BCL9: variants seen among roughly 807,000 people sequenced by gnomAD.
BCL9 encodes the protein B-cell CLL/lymphoma 9 protein.
BCL9 carries 25 observed loss-of-function variants against 88.5 expected under a neutral mutation model. The observed-to-expected ratio is 0.28, with a 90% CI of 0.21 to 0.39. BCL9 has a LOEUF of 0.39. Among genes scored for constraint, BCL9 ranks in the 10% least tolerant of loss-of-function variants. The pLI, the probability that BCL9 is intolerant of heterozygous loss-of-function variation, is 1.00. For missense variants in BCL9, 1,817 were observed against 1,877.8 expected (o/e 0.97, Z 0.60); for synonymous variants, 711 against 673.3 (o/e 1.06, Z -0.87).
At chr1:147,566,433 A>C (rs1205366021) in intron 1 of BCL9, among the ~76,000 whole-genome samples, 2 of 152,154 alleles carry the variant, frequency 1.3e-5, no homozygotes, top group African/African-American at 4.8e-5. Flanking sequence ...ACTTAGATGC[A>C]GGGCCTTGGA....
rs782383812 is a variant in BCL9 at position 147,619,388 on chromosome 1, C to G, written c.1233C>G (p.Ala411=). 5.0e-6 allele frequency: 8 copies of G among 1,614,058 alleles called. No homozygotes were observed. Among genetic ancestry groups the G allele is most frequent in the Non-Finnish European group, 6.8e-6 (8 of 1,180,014 alleles). Reference sequence around the variant, plus strand: ...AAGGGCCAATACAGGCCATGATGGCCCAATCCCAAAGCCTAGGTAAGGGAC... The same window carrying G: ...AAGGGCCAATACAGGCCATGATGGCGCAATCCCAAAGCCTAGGTAAGGGAC... ...KPEGPIQAMM[A]QSQSLGKGPG... is the part of the protein sequence containing the mutation. Residue 411 remains alanine (A), a synonymous_variant, in exon 8 of 10, where the codon GCC becomes GCG. Transcript: ENST00000234739. The surrounding 1 kb of genome is among the most constrained non-coding windows in gnomAD (Gnocchi z 4.1).
chr1:147,576,404 C>T (rs1468222404), intron 1 of BCL9, among the ~76,000 whole-genome samples: 5 of 152,116 alleles, frequency 3.3e-5, no homozygotes, highest in East Asian at 3.9e-4. Flanking sequence ...GGTAAAACAC[C>T]GGAGTGCACA....
chr1:147,600,305 C>G (rs1657314433), intron 1 of BCL9: 1 of 152,948 alleles, frequency 6.5e-6, no homozygotes, highest in Admixed American at 6.6e-5. Context: ...CTGCTCCGCA[C>G]CTCCTCTCCC....
At chr1:147,610,983 C>G (rs1253167309) in intron 3 of BCL9, among the ~76,000 whole-genome samples, 2 of 152,154 alleles carry the variant, frequency 1.3e-5, no homozygotes, top group Admixed American at 6.5e-5. Context: ...ATAGAAAGAT[C>G]ATGGAAATCA....
chr1:147,550,605 A>G (rs1553194715), intron 1 of BCL9, among the ~76,000 whole-genome samples: 1 of 152,224 alleles, frequency 6.6e-6, no homozygotes, highest in Non-Finnish European at 1.5e-5. Flanking sequence ...TTTAAAAAGC[A>G]AGCATACTAC....
intron 1 of BCL9, among the ~76,000 whole-genome samples, chr1:147,573,648 A>C (rs1252685858): frequency 6.6e-6 from 1 of 152,100 alleles, no homozygotes; most frequent in Admixed American, 6.5e-5. Flanking sequence ...TAAATTATTT[A>C]TTTATTTAGG....
rs1205726725 is a variant in BCL9 at position 147,621,839 on chromosome 1, C to T, written c.2903-432C>T. ...TGGTTGTGGAAATTAATCAAGAATG[C>T]GTGTAGGGTGATGTCGTTAGTACCT... is the stretch of plus-strand genomic sequence containing the variant. On this transcript the variant is annotated intron_variant, in intron 8 of 9. Coordinates refer to ENST00000234739, the MANE Select transcript of BCL9 (RefSeq NM_004326.4). 5.3e-5 allele frequency among the ~76,000 whole-genome samples: 8 copies of T among 152,118 alleles called. No individual in the cohort carries two copies. In the East Asian group the frequency reaches 7.7e-4, roughly 15 times the overall value.
At chr1:147,574,028 A>T (rs1033051609) in intron 1 of BCL9, among the ~76,000 whole-genome samples, 2 of 152,142 alleles carry the variant, frequency 1.3e-5, no homozygotes, top group Non-Finnish European at 2.9e-5. Flanking sequence ...ATCCTGCATT[A>T]TATATATGTT....
intron 1 of BCL9, among the ~76,000 whole-genome samples, chr1:147,553,662 G>T (rs1224895065): frequency 6.6e-6 from 1 of 152,146 alleles, no homozygotes; most frequent in Non-Finnish European, 1.5e-5. Context: ...TGATGTCTGT[G>T]CCCTAGTTCC....
chr1:147,561,498 C>A (rs1655372767), intron 1 of BCL9, among the ~76,000 whole-genome samples: 1 of 152,194 alleles, frequency 6.6e-6, no homozygotes, highest in Non-Finnish European at 1.5e-5. Context: ...CTCATTCCCT[C>A]TTATGATTAT....
intron 1 of BCL9, among the ~76,000 whole-genome samples, chr1:147,589,762 T>C (rs1656770366): frequency 1.3e-5 from 2 of 152,228 alleles, no homozygotes; most frequent in Non-Finnish European, 2.9e-5. Context: ...TTGATTCCAC[T>C]TTTTGGCTAT....
rs1553204587 is a variant in BCL9, at chr1:147,619,459, A to C, written c.1304A>C (p.His435Pro). 6.2e-7 allele frequency: 1 copy of C among 1,614,164 alleles called. No homozygotes were observed. The highest frequency in any genetic ancestry group is 1.3e-5 in the African/African-American group (1 of 75,048). The change falls in exon 8 of 10, where the codon CAT becomes CCT. Residue 435 changes from histidine to proline, a missense_variant. His to Pro is a moderately conservative substitution (Grantham distance 77, BLOSUM62 -2). Coordinates refer to ENST00000234739, the MANE Select transcript of BCL9 (RefSeq NM_004326.4). This position sits in a 1 kb window ranked among gnomAD's most constrained non-coding sequence, Gnocchi z 4.1. ...DVGAPFGPQG[H>P]RDVPFSPDEM... ...GGAGCTCCATTTGGCCCTCAAGGAC[A>C]TAGAGATGTACCCTTTTCTCCAGAT...
rs782373237 is a variant in BCL9 at position 147,625,772 on chromosome 1, C to A, written c.*813C>A. 1.3e-5 allele frequency: 3 copies of A among 233,154 alleles called. No homozygotes were observed. Among genetic ancestry groups the A allele is most frequent in the East Asian group, 1.2e-4 (2 of 16,494 alleles). The allele number at this position is 233,154 out of a possible 1,614,324, so 14.4% of individuals were successfully genotyped here. On this transcript the variant is annotated 3_prime_UTR_variant, in exon 10 of 10. Coordinates refer to ENST00000234739, the MANE Select transcript of BCL9 (RefSeq NM_004326.4). ...AAGTGTTTCCTTCCTTTGTGCCCCC[C>A]GCTGGTGACCCTCTGCTTCCCTCTC... is the stretch of plus-strand genomic sequence containing the variant.
At position 147,623,878 on chromosome 1, in the gene BCL9, G is replaced by A. The variant is rs1553205892; in HGVS notation, c.3200G>A (p.Gly1067Asp). 1.9e-6 allele frequency: 3 copies of A among 1,613,930 alleles called. No homozygotes were observed. Among genetic ancestry groups the A allele is most frequent in the African/African-American group, 2.7e-5 (2 of 74,950 alleles). The change falls in exon 10 of 10, where the codon GGT (glycine) becomes GAT (aspartate). Residue 1067 changes from glycine to aspartate, a missense_variant. Transcript: ENST00000234739. Reference protein sequence around the residue: ...GINTQNPRISGPNPVVPMPTL... With the variant: ...GINTQNPRISDPNPVVPMPTL... Reference sequence around the variant, plus strand: ...AATACACAGAATCCTCGAATTTCAGGTCCAAACCCCGTGGTTCCGATGCCA... The same window carrying A: ...AATACACAGAATCCTCGAATTTCAGATCCAAACCCCGTGGTTCCGATGCCA...
intron 1 of BCL9, among the ~76,000 whole-genome samples, chr1:147,591,182 A>G (rs1656828532): frequency 6.6e-6 from 1 of 152,062 alleles, no homozygotes. Context: ...TGCTGTCAGG[A>G]TGGTGCCTAT....
rs1553206228 is a variant in BCL9 at position 147,624,758 on chromosome 1, C to G, written c.4080C>G (p.Gly1360=). The G allele has an allele frequency of 6.2e-7, 1 of 1,612,742 alleles. No homozygotes were observed. The highest frequency in any genetic ancestry group is 2.2e-5 in the East Asian group (1 of 44,746). The change falls in exon 10 of 10, where the codon GGC becomes GGG. Residue 1360 remains glycine, a synonymous_variant. Coordinates refer to ENST00000234739, the MANE Select transcript of BCL9 (RefSeq NM_004326.4). The surrounding 1 kb of genome is among the most constrained non-coding windows in gnomAD (Gnocchi z 4.4). The part of the protein sequence containing the change: ...NPAAAVGMIP[G]KDRGPAGLYT... Reference sequence around the variant, plus strand: ...CTGCTGCCGTGGGCATGATTCCTGGCAAGGATCGGGGGCCTGCCGGGCTCT... The same window carrying G: ...CTGCTGCCGTGGGCATGATTCCTGGGAAGGATCGGGGGCCTGCCGGGCTCT...
At position 147,619,699 on chromosome 1, in the gene BCL9, C is replaced by T; in HGVS notation, c.1544C>T (p.Pro515Leu). Residue 515 changes from proline to leucine, a missense_variant, in exon 8 of 10, where the codon CCC becomes CTC. By Grantham distance (98) the Pro-to-Leu change is moderately conservative. This residue lies in a region of BCL9 where 1,228 missense variants were observed against 1,191.6 expected (regional missense o/e 1.03). Transcript: ENST00000234739. The surrounding 1 kb of genome is among the most constrained non-coding windows in gnomAD (Gnocchi z 4.1). ...HGPRGVVRGP[P>L]PPYQMTPSEG... Reference sequence around the variant, plus strand: ...CCTCGGGGAGTGGTCCGAGGACCCCCCCCTCCATACCAGATGACCCCTAGT... The same window carrying T: ...CCTCGGGGAGTGGTCCGAGGACCCCTCCCTCCATACCAGATGACCCCTAGT... 1 of 1,614,022 alleles carries T rather than the reference C, an allele frequency of 6.2e-7. No individual in the cohort carries two copies. The highest frequency in any genetic ancestry group is 8.5e-7 in the Non-Finnish European group (1 of 1,179,996).
chr1:147,563,636 A>T (rs587736676), intron 1 of BCL9, among the ~76,000 whole-genome samples: 2 of 152,338 alleles, frequency 1.3e-5, no homozygotes, highest in Non-Finnish European at 2.9e-5. Context: ...AACCTGTGAT[A>T]TCCATCCAAC....
intron 1 of BCL9, among the ~76,000 whole-genome samples, chr1:147,545,363 C>G (rs1654517827): frequency 6.6e-6 from 1 of 152,180 alleles, no homozygotes; most frequent in Admixed American, 6.5e-5. Flanking sequence ...CACCGGGGAG[C>G]TGCCTCTTGG....
Sources: gnomAD v4.1 joint callset for allele counts (sites outside exome capture counted in the v4.1 genomes callset) on GRCh38, gnomAD v4.1.1 for gene constraint, gnomAD v4.1.1 regional missense constraint, Gnocchi (gnomAD v3.1) non-coding constraint, MANE v1.5 for transcripts, NCBI Gene and HGNC (gene_info 2026-07-23, HGNC 2026-07-21) for gene names.